The following ST8SIA1 variants were observed in gnomAD, a reference collection of about 807,000 sequenced individuals.
ST8SIA1 encodes the protein alpha-N-acetylneuraminide alpha-2,8-sialyltransferase.
Under a neutral mutation model 35.9 loss-of-function variants are expected in ST8SIA1, and 16 were observed. The ratio of observed to expected loss-of-function variants is 0.45; its 90% CI spans 0.30 to 0.68. The LOEUF (loss-of-function observed/expected upper bound fraction) is 0.68, where lower values mean the gene tolerates loss of function less well. Ranked by LOEUF, ST8SIA1 falls within the 30% of genes least tolerant of loss-of-function variation. ST8SIA1 has a pLI of 0.09. For missense variants in ST8SIA1, 383 were observed against 453.6 expected, an observed-to-expected ratio of 0.84 and a Z score of 1.41; for synonymous variants, 170 against 169.6, an observed-to-expected ratio of 1.00 and a Z score of -0.02.
chr12:22,255,131 C>G (rs1423921927), intron 3 of ST8SIA1, 149 bp downstream of exon 3: 5 of 664,668 alleles, frequency 7.5e-6, no homozygotes, highest in Non-Finnish European at 1.1e-5. Context: ...CTCTCCTAAA[C>G]TCGCTTGTCT....
chr12:22,312,057 C>T (rs1285563475), intron 1 of ST8SIA1, among the ~76,000 whole-genome samples: 1 of 152,092 alleles, frequency 6.6e-6, no homozygotes, highest in Non-Finnish European at 1.5e-5. Flanking sequence ...TAAACCACAA[C>T]TGAGATGAGC....
intron 1 of ST8SIA1, among the ~76,000 whole-genome samples, chr12:22,327,426 A>G (rs1315292215): frequency 1.3e-5 from 2 of 152,166 alleles, no homozygotes; most frequent in Non-Finnish European, 2.9e-5. Flanking sequence ...TGATGTGTGG[A>G]CTAGGATTGT....
At chr12:22,256,514 A>G (rs113484411) in intron 2 of ST8SIA1, among the ~76,000 whole-genome samples, 1 of 152,222 alleles carries the variant, frequency 6.6e-6, no homozygotes, top group Non-Finnish European at 1.5e-5. Context: ...ACCACCCTAC[A>G]TGAATCTCAA....
At chr12:22,296,208 T>C (rs772883912) in intron 1 of ST8SIA1, among the ~76,000 whole-genome samples, 3 of 152,114 alleles carry the variant, frequency 2.0e-5, no homozygotes, top group African/African-American at 7.2e-5. Flanking sequence ...GACTGGTGTA[T>C]TGGGGGAGAG....
chr12:22,332,450 A>T (rs1422847469), intron 1 of ST8SIA1, among the ~76,000 whole-genome samples: 1 of 152,210 alleles, frequency 6.6e-6, no homozygotes, highest in Non-Finnish European at 1.5e-5. Flanking sequence ...ACCAATGGGA[A>T]GTTCTTAACT....
At chr12:22,303,634 TTTTGC>T (rs947193230) in intron 1 of ST8SIA1, among the ~76,000 whole-genome samples, 1 of 152,210 alleles carries the variant, frequency 6.6e-6, no homozygotes, top group Admixed American at 6.5e-5. Context: ...GTTTGTTTTG[TTTTGC>T]TTAACTGTTT....
intron 4 of ST8SIA1, among the ~76,000 whole-genome samples, chr12:22,224,607 A>G (rs901163437): frequency 5.9e-5 from 9 of 152,108 alleles, no homozygotes; most frequent in Non-Finnish European, 1.0e-4. Context: ...ATTTTTTCCC[A>G]AATAATTGTC....
At chr12:22,293,681 CCTT>C (rs1866208722) in intron 1 of ST8SIA1, among the ~76,000 whole-genome samples, 1 of 152,138 alleles carries the variant, frequency 6.6e-6, no homozygotes, top group Non-Finnish European at 1.5e-5. Flanking sequence ...ATTTCATTCT[CCTT>C]CTTAATAGTT....
Position 22,334,110 on chromosome 12 carries a change from A to G in ST8SIA1, c.123T>C (p.Cys41=), listed in dbSNP as rs773903383. 1.9e-6 allele frequency: 3 copies of G among 1,614,058 alleles called. No individual in the cohort carries two copies. Among genetic ancestry groups the G allele is most frequent in the African/African-American group, 2.7e-5 (2 of 75,032 alleles). ...GGTAGACGGGGAAGATGTAGAGCCA[A>G]CAGAGGACCACGACACAGAGGGCAC... is the stretch of plus-strand genomic sequence containing the variant. ...GASALCVVVL[C]WLYIFPVYRL... is the part of the protein sequence containing the mutation. Residue 41 remains cysteine (C), a synonymous_variant, in exon 1 of 5, where the codon TGT becomes TGC. Coordinates refer to ENST00000396037, the MANE Select transcript of ST8SIA1 (RefSeq NM_003034.4).
intron 2 of ST8SIA1, chr12:22,286,426 A>C (rs1484670994): frequency 1.9e-6 from 1 of 518,374 alleles, no homozygotes; most frequent in Non-Finnish European, 3.9e-6. Flanking sequence ...GAGCAAACCA[A>C]GGGTGGCTAA....
At chr12:22,297,062 G>A (rs367618088) in intron 1 of ST8SIA1, among the ~76,000 whole-genome samples, 1 of 152,070 alleles carries the variant, frequency 6.6e-6, no homozygotes, top group African/African-American at 2.4e-5. Flanking sequence ...CACTGGGGAG[G>A]CCAGACATTA....
chr12:22,286,640 T>G, intron 2 of ST8SIA1: 1 of 450,464 alleles, frequency 2.2e-6, no homozygotes, highest in Non-Finnish European at 4.3e-6. Flanking sequence ...AAAGCTTGAT[T>G]TAGACCACTT....
chr12:22,320,662 T>C (rs926419829), intron 1 of ST8SIA1, among the ~76,000 whole-genome samples: 9 of 151,708 alleles, frequency 5.9e-5, no homozygotes, highest in Admixed American at 1.3e-4. Flanking sequence ...CCGGGCAACA[T>C]AGGGAGATCC....
At chr12:22,235,327 G>A (rs1403510976) in intron 4 of ST8SIA1, among the ~76,000 whole-genome samples, 5 of 151,398 alleles carry the variant, frequency 3.3e-5, no homozygotes, top group Non-Finnish European at 5.9e-5. Flanking sequence ...GTAATCATTG[G>A]GACTATATTC....
intron 2 of ST8SIA1, among the ~76,000 whole-genome samples, chr12:22,269,819 T>C (rs1173639826): frequency 3.3e-5 from 5 of 152,146 alleles, no homozygotes; most frequent in Non-Finnish European, 7.4e-5. Flanking sequence ...CACTAACCCA[T>C]TCCATATAGA....
chr12:22,334,336 T>C lies in ST8SIA1; in HGVS notation c.-104A>G. On this transcript the variant is annotated 5_prime_UTR_variant, in exon 1 of 5. Transcript: ENST00000396037. ...CGCCAGCCCCCCATGCACACACACC[T>C]TTGGTTCTCTTACTTGCAAACGCAC... 2 of 813,998 alleles carry C rather than the reference T, an allele frequency of 2.5e-6. No homozygotes were observed. Among genetic ancestry groups the C allele is most frequent in the Non-Finnish European group, 3.8e-6 (2 of 521,834 alleles). 50.4% of individuals were successfully genotyped at this position (813,998 alleles called of 1,614,324 possible).
chr12:22,212,991 T>C (rs1484658546), intron 4 of ST8SIA1, among the ~76,000 whole-genome samples: 1 of 152,146 alleles, frequency 6.6e-6, no homozygotes, highest in Non-Finnish European at 1.5e-5. Context: ...TTTGAGATCA[T>C]TTTCAAACTT....
chr12:22,202,688 T>C lies in ST8SIA1; in HGVS notation c.585-650A>G, dbSNP rs1044232060. Among the ~76,000 whole-genome samples the C allele has an allele frequency of 1.4e-4, 21 of 152,108 alleles. No homozygotes were observed. The East Asian group carries it at 3.9e-3, about 28-fold the overall frequency. ...GAAACAAAGATACAAATAAGTACAA[T>C]AGAATGTTCTAAATACAATGTTGAT... On this transcript the variant is annotated intron_variant, in intron 4 of 4. Transcript: ENST00000396037.
rs1456611838 is a variant in ST8SIA1, at chr12:22,324,274, T to TTTAAAAAGA, written c.236+9714_236+9722dup. 2.3e-3 allele frequency: 349 copies of TTTAAAAAGA among 152,166 alleles called. 3 individuals carry two copies. Among genetic ancestry groups the TTTAAAAAGA allele is most frequent in the African/African-American group, 8.3e-3 (344 of 41,526 alleles). 9.4% of individuals were successfully genotyped at this position (152,166 alleles called of 1,614,324 possible). On this transcript the variant is annotated intron_variant, in intron 1 of 4. Coordinates refer to ENST00000396037, the MANE Select transcript of ST8SIA1 (RefSeq NM_003034.4). The stretch of plus-strand genomic sequence containing the variant: ...GTTAATAAACTCAAGGAACAAAAAT[T>TTTAAAAAGA]TTAAAAAGATTTTAAAAAAAGAACT...
Sources: gnomAD v4.1 joint callset for allele counts (sites outside exome capture counted in the v4.1 genomes callset) on GRCh38, gnomAD v4.1.1 for gene constraint, MANE v1.5 for transcripts, NCBI Gene and HGNC (gene_info 2026-07-23, HGNC 2026-07-21) for gene names.